Variants in KHDRBS2 observed in about 807,000 individuals in gnomAD.
The protein encoded by KHDRBS2 is KH RNA binding domain containing, signal transduction associated 2, also known as KH domain-containing, RNA-binding, signal transduction-associated protein 2.
Under a neutral mutation model 44.3 loss-of-function variants are expected in KHDRBS2, and 26 were observed. That is an observed-to-expected ratio of 0.59 (90% CI 0.43 to 0.81). The LOEUF is 0.81. Among genes scored for constraint, KHDRBS2 ranks in the 40% least tolerant of loss-of-function variants. The pLI is 0.00. For synonymous variants in KHDRBS2, 194 were observed against 151.1 expected, an observed-to-expected ratio of 1.28 and a Z score of -2.08; for missense variants, 476 against 433.1, an observed-to-expected ratio of 1.10 and a Z score of -0.88.
intron 6 of KHDRBS2, among the ~76,000 whole-genome samples, chr6:61,795,144 C>CAAAAAAA (rs1166333660): frequency 8.4e-5 from 5 of 59,668 alleles, no homozygotes; most frequent in Non-Finnish European, 1.3e-4. Context: ...GACTCCGTCT[C>CAAAAAAA]AAAAAAAAAA....
At chr6:62,007,601 A>G (rs1304676379) in intron 3 of KHDRBS2, among the ~76,000 whole-genome samples, 2 of 152,154 alleles carry the variant, frequency 1.3e-5, no homozygotes, top group African/African-American at 4.8e-5. Context: ...TGTATAATTA[A>G]TATTCTGAAG....
intron 6 of KHDRBS2, among the ~76,000 whole-genome samples, chr6:61,736,421 G>T (rs1486861666): frequency 6.6e-6 from 1 of 151,948 alleles, no homozygotes; most frequent in East Asian, 1.9e-4. Flanking sequence ...TTGAGGATCT[G>T]CCTGGTCAGT....
chr6:62,178,778 T>C lies in KHDRBS2; in HGVS notation c.92-1466A>G, dbSNP rs116135137. 7.6e-3 allele frequency among the ~76,000 whole-genome samples: 1,155 copies of C among 151,746 alleles called. 14 individuals carry two copies. The highest frequency in any genetic ancestry group is 0.026 in the African/African-American group (1,078 of 41,524). On this transcript the variant is annotated intron_variant, in intron 1 of 8. Coordinates refer to ENST00000281156, the MANE Select transcript of KHDRBS2 (RefSeq NM_152688.4). Reference sequence around the variant, plus strand: ...TCAGTAAATATTTCTTTTTGTTCTTTGCTCTTAGTCAATGTACTAAAATAC... The same window carrying C: ...TCAGTAAATATTTCTTTTTGTTCTTCGCTCTTAGTCAATGTACTAAAATAC...
chr6:62,010,577 G>A (rs1372817481), intron 3 of KHDRBS2, among the ~76,000 whole-genome samples: 3 of 152,112 alleles, frequency 2.0e-5, no homozygotes, highest in Non-Finnish European at 4.4e-5. Flanking sequence ...CCATAATTGC[G>A]ATGTGTTGTG....
intron 6 of KHDRBS2, among the ~76,000 whole-genome samples, chr6:61,778,225 G>T (rs978933372): frequency 6.6e-6 from 1 of 152,154 alleles, no homozygotes; most frequent in African/African-American, 2.4e-5. Flanking sequence ...GAGTCATGAG[G>T]ATTCGTTTAA....
At chr6:61,809,294 C>T (rs1055581030) in intron 6 of KHDRBS2, among the ~76,000 whole-genome samples, 3 of 152,068 alleles carry the variant, frequency 2.0e-5, no homozygotes, top group African/African-American at 7.2e-5. Flanking sequence ...TCATTAAAGG[C>T]AATGGCAATA....
chr6:61,907,363 C>A (rs765392867), intron 4 of KHDRBS2, among the ~76,000 whole-genome samples: 3 of 152,084 alleles, frequency 2.0e-5, no homozygotes, highest in Non-Finnish European at 2.9e-5. Context: ...ATTGTCTCTT[C>A]ACTTTGTTGA....
At chr6:61,689,699 C>T (rs529092020) in intron 8 of KHDRBS2, among the ~76,000 whole-genome samples, 1 of 151,934 alleles carries the variant, frequency 6.6e-6, no homozygotes, top group Non-Finnish European at 1.5e-5. Flanking sequence ...CCTGGACAAT[C>T]GCAAACTTCA....
Position 61,894,823 on chromosome 6 carries a change from C to A in KHDRBS2, c.622G>T (p.Gly208Cys), listed in dbSNP as rs748027428. The A allele has an allele frequency of 3.7e-6, 6 of 1,611,384 alleles. No individual in the cohort carries two copies. In the Admixed American group the frequency reaches 5.0e-5, roughly 14 times the overall value. Reference sequence around the variant, plus strand: ...GGTGGTGGGGGAGGAGGAATGGCACCCCCACGGCCCCTAAGAGAAACAAGT... The same window carrying A: ...GGTGGTGGGGGAGGAGGAATGGCACACCCACGGCCCCTAAGAGAAACAAGT... ...APTAPSRGRGGAIPPPPPPGR... is the reference protein window; with the variant it reads ...APTAPSRGRGCAIPPPPPPGR... The change falls in exon 6 of 9, where the codon GGT (glycine) becomes TGT (cysteine). Residue 208 changes from glycine to cysteine, a missense_variant. Physicochemically the swap from Gly to Cys is radical, Grantham distance 159. Transcript: ENST00000281156.
intron 6 of KHDRBS2, among the ~76,000 whole-genome samples, chr6:61,740,971 C>T (rs561973333): frequency 2.0e-4 from 30 of 151,820 alleles, no homozygotes; most frequent in African/African-American, 6.0e-4. Context: ...GAAAGCTCTA[C>T]GTGAACACAA....
chr6:62,042,616 C>A (rs1786781930), intron 3 of KHDRBS2, among the ~76,000 whole-genome samples: 1 of 152,072 alleles, frequency 6.6e-6, no homozygotes, highest in Non-Finnish European at 1.5e-5. Flanking sequence ...TTAGGCAGAG[C>A]CCAGAAGCCA....
chr6:61,869,821 C>T (rs1435025496), intron 6 of KHDRBS2, among the ~76,000 whole-genome samples: 5 of 152,098 alleles, frequency 3.3e-5, no homozygotes, highest in African/African-American at 4.8e-5. Context: ...CCGTGGATGC[C>T]GGCCCAGATA....
intron 7 of KHDRBS2, among the ~76,000 whole-genome samples, chr6:61,724,918 C>T (rs1028787894): frequency 3.9e-5 from 6 of 152,122 alleles, no homozygotes; most frequent in African/African-American, 1.4e-4. Context: ...AGAAAATTAA[C>T]AAAGTTATTC....
the KHDRBS2 span, among the ~76,000 whole-genome samples, chr6:61,566,579 A>G: frequency 6.6e-6 from 1 of 152,148 alleles, no homozygotes; most frequent in African/African-American, 2.4e-5. Context: ...GGTTAGTTTG[A>G]CCTACGCCCA....
chr6:61,901,259 G>C lies in KHDRBS2; in HGVS notation c.596C>G (p.Pro199Arg), dbSNP rs1239241307. ...ATGAATGTACCTTGAAGGAGCTGTG[G>C]GAGCTATTCTGATCCCTCTGCCTCT... ...GIRGRGIRIA[P>R]TAPSRGRGGA... The change falls in exon 5 of 9, where the codon CCC (proline) becomes CGC (arginine). Residue 199 changes from proline (P) to arginine (R), a missense_variant. By Grantham distance (103) the Pro-to-Arg change is moderately radical. Coordinates refer to ENST00000281156, the MANE Select transcript of KHDRBS2 (RefSeq NM_152688.4). 1 of 1,612,476 alleles carries C rather than the reference G, an allele frequency of 6.2e-7. No homozygotes were observed. The highest frequency in any genetic ancestry group is 1.7e-5 in the Admixed American group (1 of 59,774).
intron 1 of KHDRBS2, among the ~76,000 whole-genome samples, chr6:62,256,235 A>G (rs962472502): frequency 2.0e-5 from 3 of 151,992 alleles, no homozygotes; most frequent in African/African-American, 7.2e-5. Context: ...CTGCCCCGAC[A>G]TTAGATTCCA....
chr6:61,863,472 G>T (rs1044910851), intron 6 of KHDRBS2, among the ~76,000 whole-genome samples: 2 of 152,032 alleles, frequency 1.3e-5, no homozygotes, highest in East Asian at 1.9e-4. Flanking sequence ...GTATCCGAGA[G>T]AATCTGGTAT....
intron 6 of KHDRBS2, among the ~76,000 whole-genome samples, chr6:61,879,146 TA>T (rs1799868111): frequency 1.3e-5 from 2 of 151,978 alleles, no homozygotes; most frequent in South Asian, 4.1e-4. Flanking sequence ...GAAAGCAGTA[TA>T]TACCTACTTA....
intron 3 of KHDRBS2, among the ~76,000 whole-genome samples, chr6:62,036,142 C>A (rs1449346277): frequency 6.6e-6 from 1 of 151,858 alleles, no homozygotes; most frequent in African/African-American, 2.4e-5. Flanking sequence ...TCACTATTTG[C>A]AGAGAGCTGT....
Sources: gnomAD v4.1 joint callset for allele counts (sites outside exome capture counted in the v4.1 genomes callset) on GRCh38, gnomAD v4.1.1 for gene constraint, MANE v1.5 for transcripts, NCBI Gene and HGNC (gene_info 2026-07-23, HGNC 2026-07-21) for gene names.